Variants in TNFSF15 observed in about 807,000 individuals in gnomAD.
TNFSF15 encodes tumor necrosis factor ligand superfamily member 15.
Under a neutral mutation model 26.4 loss-of-function variants are expected in TNFSF15, and 15 were observed. The observed-to-expected ratio is 0.57, with a 90% CI of 0.38 to 0.87. TNFSF15 has a LOEUF of 0.87. TNFSF15 is among the 40% of genes least tolerant of loss of function. The pLI is 0.00. For synonymous variants in TNFSF15, 116 were observed against 115.0 expected, an observed-to-expected ratio of 1.01 and a Z score of -0.06; for missense variants, 290 against 306.1, an observed-to-expected ratio of 0.95 and a Z score of 0.39.
intron 1 of TNFSF15, among the ~76,000 whole-genome samples, chr9:114,801,676 G>T: frequency 6.6e-6 from 1 of 152,114 alleles, no homozygotes; most frequent in East Asian, 1.9e-4. Flanking sequence ...GGCCCGAAAG[G>T]GTTAGGTAAC....
chr9:114,790,800 G>A lies in TNFSF15; in HGVS notation c.408C>T (p.Asn136=), dbSNP rs1456952823. The change falls in exon 4 of 4, where the codon AAC becomes AAT. Residue 136 remains asparagine, a synonymous_variant. Coordinates refer to ENST00000374045, the MANE Select transcript of TNFSF15 (RefSeq NM_005118.4). The part of the protein sequence containing the change: ...AFTKNRMNYT[N]KFLLIPESGD... ...CCGACTCTGGGATCAGCAGGAATTT[G>A]TTGGTATAGTTCATTCGGTTCTTGG... is the stretch of plus-strand genomic sequence containing the variant. 6.2e-7 allele frequency: 1 copy of A among 1,613,996 alleles called. No homozygotes were observed. Among genetic ancestry groups the A allele is most frequent in the East Asian group, 2.2e-5 (1 of 44,888 alleles).
chr9:114,795,502 A>G (rs769752935), intron 1 of TNFSF15, among the ~76,000 whole-genome samples: 33 of 152,262 alleles, frequency 2.2e-4, no homozygotes, highest in Non-Finnish European at 3.4e-4. Context: ...ATTAGGTATC[A>G]TAAGCATTTA....
chr9:114,792,650 A>T (rs1829622416), intron 2 of TNFSF15, 196 bp from the exon 3 acceptor site: 5 of 1,285,364 alleles, frequency 3.9e-6, no homozygotes, highest in Middle Eastern at 5.5e-4. Flanking sequence ...AGGGTGACTC[A>T]GAAGAAAGAG....
chr9:114,792,203 G>T lies in TNFSF15; in HGVS notation c.301+204C>A, dbSNP rs376432863. ...GAATAGATAAGGAAAACGTGTGTGT[G>T]TGTGTATATACATATGTGTGTACAC... On this transcript the variant is annotated intron_variant, in intron 3 of 3. Coordinates refer to ENST00000374045, the MANE Select transcript of TNFSF15 (RefSeq NM_005118.4). 40 of 592,426 alleles carry T rather than the reference G, an allele frequency of 6.8e-5. No homozygotes were observed. The East Asian group carries it at 1.0e-3, about 15-fold the overall frequency. 36.7% of individuals were successfully genotyped at this position (592,426 alleles called of 1,614,324 possible). A position where few individuals can be genotyped will look rare whatever the true frequency, so the allele number is the denominator to read the frequency against.
rs1202373357 is a variant in TNFSF15, at chr9:114,789,856, G to C, written c.*596C>G. 1 of 152,436 alleles carries C rather than the reference G, an allele frequency of 6.6e-6. No individual in the cohort carries two copies. The highest frequency in any genetic ancestry group is 1.5e-5 in the Non-Finnish European group (1 of 68,144). 9.4% of individuals were successfully genotyped at this position (152,436 alleles called of 1,614,324 possible). A position where few individuals can be genotyped will look rare whatever the true frequency, so the allele number is the denominator to read the frequency against. ...TAGATATCTGTGTACATAATCAAAA[G>C]AAAGGTAGCTTTTCTCATATGCTGT... On this transcript the variant is annotated 3_prime_UTR_variant, in exon 4 of 4. Transcript: ENST00000374045.
At chr9:114,804,926 G>T (rs1275528080) in intron 1 of TNFSF15, among the ~76,000 whole-genome samples, 9 of 152,142 alleles carry the variant, frequency 5.9e-5, no homozygotes, top group Admixed American at 5.9e-4. Context: ...GAACTGAAAT[G>T]AAATCAGCCA....
intron 1 of TNFSF15, among the ~76,000 whole-genome samples, chr9:114,797,923 G>A (rs1829691516): frequency 6.6e-6 from 1 of 152,184 alleles, no homozygotes; most frequent in Admixed American, 6.5e-5. Context: ...CTCAGTCAGT[G>A]CCTGGCACTT....
At position 114,784,930 on chromosome 9, in the gene TNFSF15, A is replaced by G. The variant is rs1445295706; in HGVS notation, c.*5522T>C. 2 of 152,266 alleles carry G rather than the reference A, an allele frequency of 1.3e-5. No individual in the cohort carries two copies. Among genetic ancestry groups the G allele is most frequent in the Non-Finnish European group, 2.9e-5 (2 of 68,052 alleles). The allele number at this position is 152,266 out of a possible 1,614,324, so 9.4% of individuals were successfully genotyped here. A position where few individuals can be genotyped will look rare whatever the true frequency, so the allele number is the denominator to read the frequency against. On this transcript the variant is annotated 3_prime_UTR_variant, in exon 4 of 4. Transcript: ENST00000374045. Reference sequence around the variant, plus strand: ...TACACCCCTGAAACAAAAAAAGGGGAACATTACATGCTTTAATGACTTTAA... The same window carrying G: ...TACACCCCTGAAACAAAAAAAGGGGGACATTACATGCTTTAATGACTTTAA...
At chr9:114,792,637 G>T in intron 2 of TNFSF15, 183 bp from the exon 3 acceptor site, 1 of 1,368,430 alleles carries the variant, frequency 7.3e-7, no homozygotes, top group Non-Finnish European at 9.8e-7. Context: ...CACCACCAAG[G>T]ACAGGGTGAC....
chr9:114,792,859 C>T (rs1191400931), intron 2 of TNFSF15, among the ~76,000 whole-genome samples: 1 of 152,200 alleles, frequency 6.6e-6, no homozygotes, highest in East Asian at 1.9e-4. Context: ...AGTGAATTGG[C>T]TTTTTGCCTT....
rs190456036 is a variant in TNFSF15 at position 114,801,667 on chromosome 9, G to A, written c.210+4136C>T. 2.0e-5 allele frequency among the ~76,000 whole-genome samples: 3 copies of A among 152,296 alleles called. No homozygotes were observed. The East Asian group carries it at 5.8e-4, about 29-fold the overall frequency. ...CCATTTTATACATAAAGAAGCCGAG[G>A]CCCGAAAGGGTTAGGTAACATGGTT... is the stretch of plus-strand genomic sequence containing the variant. On this transcript the variant is annotated intron_variant, in intron 1 of 3. Coordinates refer to ENST00000374045, the MANE Select transcript of TNFSF15 (RefSeq NM_005118.4).
rs1829814629 is a variant in TNFSF15, at chr9:114,805,863, G to A, written c.150C>T (p.Leu50=). ...GCTGGCTGACAAGCAGGTATGTGGT[G>A]AGTCCTGCAAGGAAGGGGAGCAACA... The part of the protein sequence containing the change: ...CLVLLPFLAG[L]TTYLLVSQLR... Residue 50 remains leucine, a synonymous_variant, in exon 1 of 4, where the codon CTC becomes CTT. Coordinates refer to ENST00000374045, the MANE Select transcript of TNFSF15 (RefSeq NM_005118.4). 1 of 1,614,010 alleles carries A rather than the reference G, an allele frequency of 6.2e-7. No homozygotes were observed. Among genetic ancestry groups the A allele is most frequent in the African/African-American group, 1.3e-5 (1 of 75,056 alleles).
chr9:114,798,342 T>G (rs1371532589), intron 1 of TNFSF15, among the ~76,000 whole-genome samples: 1 of 151,888 alleles, frequency 6.6e-6, no homozygotes, highest in Non-Finnish European at 1.5e-5. Context: ...TTCTTGTAGG[T>G]CAGGGAATTT....
chr9:114,792,483 A>G, intron 2 of TNFSF15, 29 bp from the exon 3 acceptor site: 1 of 1,613,944 alleles, frequency 6.2e-7, no homozygotes, highest in Non-Finnish European at 8.5e-7. Flanking sequence ...TGTGCTTTGT[A>G]TGAGACAAAG....
rs1160528232 is a variant in TNFSF15 at position 114,787,864 on chromosome 9, G to A, written c.*2588C>T. 1 of 153,748 alleles carries A rather than the reference G, an allele frequency of 6.5e-6. No homozygotes were observed. Among genetic ancestry groups the A allele is most frequent in the African/African-American group, 2.4e-5 (1 of 41,454 alleles). The allele number at this position is 153,748 out of a possible 1,614,324, so 9.5% of individuals were successfully genotyped here. On this transcript the variant is annotated 3_prime_UTR_variant, in exon 4 of 4. Transcript: ENST00000374045. ...ATGACAGGAGCCAAATAAATGCACA[G>A]CAGAGAATTTCCCAAAGCCTCAAAT...
intron 1 of TNFSF15, among the ~76,000 whole-genome samples, chr9:114,804,315 A>T (rs895967419): frequency 6.6e-6 from 1 of 152,178 alleles, no homozygotes; most frequent in Middle Eastern, 3.2e-3. Flanking sequence ...GTGACAGTGC[A>T]TGTCTCCATC....
intron 1 of TNFSF15, among the ~76,000 whole-genome samples, chr9:114,800,864 G>A (rs1829737787): frequency 6.6e-6 from 1 of 152,180 alleles, no homozygotes; most frequent in Non-Finnish European, 1.5e-5. Context: ...CCTCAAGTCT[G>A]TGTGACTCTG....
In TNFSF15 at chr9:114,806,038, C is replaced by G; in HGVS notation, c.-26G>C. 6.2e-7 allele frequency: 1 copy of G among 1,607,466 alleles called. No homozygotes were observed. The highest frequency in any genetic ancestry group is 8.5e-7 in the Non-Finnish European group (1 of 1,175,304). On this transcript the variant is annotated 5_prime_UTR_variant, in exon 1 of 4. Transcript: ENST00000374045. ...GCTCCTGCTGCTCCTGGAGGCACCT[C>G]TGACTCCTGGGCAGAGAGAGCCCCC...
At chr9:114,800,047 T>G (rs1389021129) in intron 1 of TNFSF15, among the ~76,000 whole-genome samples, 1 of 151,756 alleles carries the variant, frequency 6.6e-6, no homozygotes, top group Non-Finnish European at 1.5e-5. Context: ...TAGATAGCAC[T>G]GAAAGAGATT....
Sources: gnomAD v4.1 joint callset for allele counts (sites outside exome capture counted in the v4.1 genomes callset) on GRCh38, gnomAD v4.1.1 for gene constraint, MANE v1.5 for transcripts, NCBI Gene and HGNC (gene_info 2026-07-23, HGNC 2026-07-21) for gene names.